The following KIF26A variants were observed in gnomAD, a reference collection of about 807,000 sequenced individuals.
The protein encoded by KIF26A is kinesin family member 26A.
In KIF26A, 74 loss-of-function variants were observed where a neutral mutation model predicts 126.0. The observed-to-expected ratio is 0.59, with a 90% confidence interval of 0.49 to 0.71. The LOEUF (loss-of-function observed/expected upper bound fraction) is 0.71, where lower values mean the gene tolerates loss of function less well. Among genes scored for constraint, KIF26A ranks in the 30% least tolerant of loss-of-function variants. KIF26A has a pLI of 0.00. For synonymous variants in KIF26A, 1,445 were observed against 1,232.7 expected (o/e 1.17, Z -3.61); for missense variants, 2,984 against 2,763.3 (o/e 1.08, Z -1.79).
chr14:104,176,584 G>T lies in KIF26A; in HGVS notation c.3796G>T (p.Gly1266Cys). The T allele has an allele frequency of 6.2e-7, 1 of 1,608,214 alleles. No homozygotes were observed. The highest frequency in any genetic ancestry group is 8.5e-7 in the Non-Finnish European group (1 of 1,179,654). Residue 1266 changes from glycine (G) to cysteine (C), a missense_variant, in exon 12 of 15, where the codon GGC becomes TGC. Coordinates refer to ENST00000423312, the MANE Select transcript of KIF26A (RefSeq NM_015656.2). ...TGGCAGGGCCCCCAGCCCCACACTTGGCTCCCCCCGGCTGCCTGAGGCCCA... is the reference window on the plus strand; with the variant it reads ...TGGCAGGGCCCCCAGCCCCACACTTTGCTCCCCCCGGCTGCCTGAGGCCCA... ...SAGRAPSPTL[G>C]SPRLPEAQVM... is the part of the protein sequence containing the mutation.
chr14:104,175,364 G>A lies in KIF26A; in HGVS notation c.2576G>A (p.Gly859Glu). 2 of 1,601,858 alleles carry A rather than the reference G, an allele frequency of 1.2e-6. No homozygotes were observed. The highest frequency in any genetic ancestry group is 2.2e-5 in the South Asian group (2 of 90,714). The stretch of plus-strand genomic sequence containing the variant: ...ATGGACGGCAACGAGGGTCCCTCAG[G>A]AGGTCCAGGTGGCACCGACGGAGCT... ...ECMDGNEGPS[G>E]GPGGTDGAQA... The change falls in exon 12 of 15, where the codon GGA becomes GAA. Residue 859 changes from glycine to glutamate, a missense_variant. Physicochemically the swap from Gly to Glu is moderately conservative, Grantham distance 98. Coordinates refer to ENST00000423312, the MANE Select transcript of KIF26A (RefSeq NM_015656.2).
chr14:104,144,631 G>C (rs1277160135), intron 2 of KIF26A, among the ~76,000 whole-genome samples: 1 of 152,206 alleles, frequency 6.6e-6, no homozygotes, highest in African/African-American at 2.4e-5. Flanking sequence ...CTCTTCCTTT[G>C]CCTGCTAGGA....
chr14:104,171,577 G>A, intron 5 of KIF26A, 146 bp from the exon 6 acceptor site: 3 of 670,606 alleles, frequency 4.5e-6, no homozygotes, highest in Non-Finnish European at 2.6e-6. Context: ...GCCTGGAGCA[G>A]GGGCGCGGTG....
At chr14:104,157,409 T>C (rs1017976711) in intron 3 of KIF26A, among the ~76,000 whole-genome samples, 1 of 152,042 alleles carries the variant, frequency 6.6e-6, no homozygotes, top group African/African-American at 2.4e-5. Flanking sequence ...ACCAGTGTGG[T>C]CGCTGCGATT....
chr14:104,166,724 C>A lies in KIF26A; in HGVS notation c.924-135C>A, dbSNP rs1010380338. ...TAGAAATGAAGTGCAGGCCTCCCAG[C>A]CACATTTTGGACTGGGTTTCCTGGG... On this transcript the variant is annotated intron_variant, in intron 4 of 14. Coordinates refer to ENST00000423312, the MANE Select transcript of KIF26A (RefSeq NM_015656.2). 6.0e-6 allele frequency: 5 copies of A among 838,062 alleles called. No individual in the cohort carries two copies. The African/African-American group carries it at 6.9e-5, about 12-fold the overall frequency. The allele number at this position is 838,062 out of a possible 1,614,324, so 51.9% of individuals were successfully genotyped here. A position where few individuals can be genotyped will look rare whatever the true frequency, so the allele number is the denominator to read the frequency against.
chr14:104,171,383 C>T (rs937133225), intron 5 of KIF26A, among the ~76,000 whole-genome samples: 19 of 152,132 alleles, frequency 1.2e-4, no homozygotes, highest in Admixed American at 1.2e-3. Context: ...CTCCTGCCCT[C>T]TCCTGGACTG....
Position 104,177,663 on chromosome 14 carries a change from C to T in KIF26A, c.4875C>T (p.Tyr1625=), listed in dbSNP as rs1462121636. 13 of 1,529,164 alleles carry T rather than the reference C, an allele frequency of 8.5e-6. No homozygotes were observed. In the African/African-American group the frequency reaches 1.4e-4, roughly 16 times the overall value. The allele number at this position is 1,529,164 out of a possible 1,614,324, so 94.7% of individuals were successfully genotyped here. The change falls in exon 12 of 15, where the codon TAC becomes TAT. Residue 1625 remains tyrosine, a synonymous_variant. Transcript: ENST00000423312. ...CCGCCCCACGGCGGCCCCAGCGCTA[C>T]AGCAGCGGCCATGGCAGCGACAACA... The part of the protein sequence containing the change: ...KVTAPRRPQR[Y]SSGHGSDNSS...
intron 5 of KIF26A, among the ~76,000 whole-genome samples, chr14:104,171,203 C>T (rs2037953369): frequency 6.6e-6 from 1 of 152,266 alleles, no homozygotes; most frequent in Admixed American, 6.5e-5. Flanking sequence ...TCGGTTCCCT[C>T]AGCTGGCCAG....
At chr14:104,143,849 C>T (rs1181704328) in intron 2 of KIF26A, among the ~76,000 whole-genome samples, 4 of 152,232 alleles carry the variant, frequency 2.6e-5, no homozygotes, top group African/African-American at 9.6e-5. Context: ...CCCAGCTGAG[C>T]CCAGGTGTCA....
At chr14:104,165,733 GTA>G (rs2037889505) in intron 4 of KIF26A, among the ~76,000 whole-genome samples, 1 of 151,642 alleles carries the variant, frequency 6.6e-6, no homozygotes, top group Non-Finnish European at 1.5e-5. Flanking sequence ...GTGTGTTTCT[GTA>G]TGCATATGTG....
rs1368361441 is a variant in KIF26A at position 104,140,192 on chromosome 14, G to A, written c.288+904G>A. 2.0e-5 allele frequency among the ~76,000 whole-genome samples: 3 copies of A among 152,162 alleles called. No homozygotes were observed. In the East Asian group the frequency reaches 5.8e-4, roughly 29 times the overall value. ...CCCTGTCTGGGGCAGGGCAGGGTGG[G>A]GCAGGGTACCAGTCTGGTTTCTGTC... On this transcript the variant is annotated intron_variant, in intron 2 of 14. Coordinates refer to ENST00000423312, the MANE Select transcript of KIF26A (RefSeq NM_015656.2).
chr14:104,156,778 G>A (rs2037781808), intron 3 of KIF26A, among the ~76,000 whole-genome samples: 1 of 152,212 alleles, frequency 6.6e-6, no homozygotes, highest in Admixed American at 6.5e-5. Flanking sequence ...GGGACACCCT[G>A]AGGACGCTGG....
chr14:104,154,638 G>A (rs1217938622), intron 3 of KIF26A, among the ~76,000 whole-genome samples: 1 of 152,246 alleles, frequency 6.6e-6, no homozygotes, highest in Non-Finnish European at 1.5e-5. Context: ...GTGGTCATGG[G>A]GCCCACCCCA....
chr14:104,165,407 CTG>C (rs1469678126), intron 4 of KIF26A, among the ~76,000 whole-genome samples: 3 of 85,472 alleles, frequency 3.5e-5, no homozygotes, highest in East Asian at 4.9e-4. Flanking sequence ...CATATGTGTT[CTG>C]TGTGTCTCTG....
rs752153614 is a variant in KIF26A at position 104,171,929 on chromosome 14, C to T, written c.1320C>T (p.Ser440=). Residue 440 remains serine (S), a synonymous_variant, in exon 6 of 15, where the codon TCC becomes TCT. Transcript: ENST00000423312. ...TCGATGCCGTCTTCCCCCAGGACTC[C>T]GAGCAGGTACGGGCAGGCGGACTGG... The part of the protein sequence containing the change: ...FAFDAVFPQD[S]EQAEVCSGTV... 32 of 1,552,112 alleles carry T rather than the reference C, an allele frequency of 2.1e-5. No individual in the cohort carries two copies. The highest frequency in any genetic ancestry group is 1.2e-4 in the South Asian group (10 of 84,058).
At chr14:104,162,345 C>T (rs1277781246) in intron 4 of KIF26A, among the ~76,000 whole-genome samples, 1 of 152,196 alleles carries the variant, frequency 6.6e-6, no homozygotes, top group African/African-American at 2.4e-5. Flanking sequence ...CCGGTCCCAG[C>T]CTCTGTCTAG....
rs375413077 is a variant in KIF26A at position 104,176,303 on chromosome 14, C to G, written c.3515C>G (p.Thr1172Ser). ...GACAGACCTGACAGTCCTGGGCCAA[C>G]CTGGGGTCCGTGCCCTGGGGAAGTG... Reference protein sequence around the residue: ...GPDRPDSPGPTWGPCPGEVAA... With the variant: ...GPDRPDSPGPSWGPCPGEVAA... Residue 1172 changes from threonine to serine, a missense_variant, in exon 12 of 15, where the codon ACC becomes AGC. Transcript: ENST00000423312. 11 of 1,584,734 alleles carry G rather than the reference C, an allele frequency of 6.9e-6. No individual in the cohort carries two copies. The highest frequency in any genetic ancestry group is 1.3e-5 in the African/African-American group (1 of 74,344).
intron 4 of KIF26A, among the ~76,000 whole-genome samples, chr14:104,158,389 T>C (rs1042326698): frequency 3.3e-5 from 5 of 152,122 alleles, no homozygotes; most frequent in Non-Finnish European, 5.9e-5. Flanking sequence ...GCTGTGGACA[T>C]TGGGGGCTGC....
chr14:104,154,911 C>T lies in KIF26A; in HGVS notation c.735+2450C>T, dbSNP rs999732727. On this transcript the variant is annotated intron_variant, in intron 3 of 14. Coordinates refer to ENST00000423312, the MANE Select transcript of KIF26A (RefSeq NM_015656.2). ...GCACCGGCTTGGGGGCTCCTGCCACCGCTGTGCTGGGCTGCAGGGGCCCTG... is the reference window on the plus strand; with the variant it reads ...GCACCGGCTTGGGGGCTCCTGCCACTGCTGTGCTGGGCTGCAGGGGCCCTG... Among the ~76,000 whole-genome samples the T allele has an allele frequency of 3.3e-5, 5 of 152,182 alleles. No homozygotes were observed. In the South Asian group the frequency reaches 6.2e-4, roughly 19 times the overall value.
Sources: allele counts gnomAD v4.1 joint callset (sites outside exome capture counted in the v4.1 genomes callset), GRCh38; gene constraint gnomAD v4.1.1; transcripts MANE v1.5; gene names NCBI Gene and HGNC (gene_info 2026-07-23, HGNC 2026-07-21).